SP140: variants seen among roughly 807,000 people sequenced by gnomAD.
SP140 encodes nuclear body protein SP140.
A neutral mutation model predicts 125.0 loss-of-function variants in SP140; 81 were observed. The ratio of observed to expected loss-of-function variants is 0.65; its 90% CI spans 0.54 to 0.78. The LOEUF (loss-of-function observed/expected upper bound fraction) is 0.78. Among genes scored for constraint, SP140 ranks in the 30% least tolerant of loss-of-function variants. The pLI is 0.00. For synonymous variants in SP140, 312 were observed against 354.0 expected, an observed-to-expected ratio of 0.88 and a Z score of 1.33; for missense variants, 858 against 1,037.0, an observed-to-expected ratio of 0.83 and a Z score of 2.37.
At chr2:230,226,387 T>C (rs531816600) in intron 1 of SP140, among the ~76,000 whole-genome samples, 1 of 152,192 alleles carries the variant, frequency 6.6e-6, no homozygotes, top group African/African-American at 2.4e-5. Flanking sequence ...CTAGAATCAC[T>C]TCAGGATCTC....
At chr2:230,244,674 A>T (rs1306738588) in intron 5 of SP140, among the ~76,000 whole-genome samples, 1 of 152,180 alleles carries the variant, frequency 6.6e-6, no homozygotes, top group African/African-American at 2.4e-5. Context: ...CAAGTAGGAA[A>T]ATGTGATGGA....
At chr2:230,200,981 T>G (rs539213557), upstream of SP140, 6 of 1,586,210 alleles carry the variant, frequency 3.8e-6, no homozygotes, top group Non-Finnish European at 5.2e-6. Flanking sequence ...AAATGAAAGA[T>G]CTTAGTAAAT....
At chr2:230,260,595 G>C (rs1004654653) in intron 12 of SP140, among the ~76,000 whole-genome samples, 2 of 152,172 alleles carry the variant, frequency 1.3e-5, no homozygotes, top group Non-Finnish European at 2.9e-5. Flanking sequence ...TTAAGTCCTT[G>C]ATCCATCTTG....
rs1329489756 is a variant in SP140, at chr2:230,230,368, C to T, written c.59+4465C>T. 2.0e-5 allele frequency: 3 copies of T among 152,084 alleles called. No homozygotes were observed. The East Asian group carries it at 5.8e-4, about 29-fold the overall frequency. The allele number at this position is 152,084 out of a possible 1,614,324, so 9.4% of individuals were successfully genotyped here. A position where few individuals can be genotyped will look rare whatever the true frequency, so the allele number is the denominator to read the frequency against. On this transcript the variant is annotated intron_variant, in intron 1 of 26. Coordinates refer to ENST00000392045, the MANE Select transcript of SP140 (RefSeq NM_007237.5). ...GCAAGGTCTGAAAAATACCTCAAACCCCAGTCTTAGGTTTTACAATACTGA... is the reference window on the plus strand; with the variant it reads ...GCAAGGTCTGAAAAATACCTCAAACTCCAGTCTTAGGTTTTACAATACTGA...
At chr2:230,205,395 C>T (rs1000534977) in intron 1 of SP140, among the ~76,000 whole-genome samples, 2 of 152,152 alleles carry the variant, frequency 1.3e-5, no homozygotes, top group African/African-American at 4.8e-5. Context: ...TCTGCCTGGA[C>T]CATCCAATCC....
intron 22 of SP140, among the ~76,000 whole-genome samples, chr2:230,303,673 T>A (rs1032453627): frequency 6.6e-6 from 1 of 152,170 alleles, no homozygotes; most frequent in Non-Finnish European, 1.5e-5. Context: ...ATCATCTCAA[T>A]AAAGACAGCA....
At chr2:230,260,249 A>G (rs1013567521) in intron 12 of SP140, among the ~76,000 whole-genome samples, 2 of 151,990 alleles carry the variant, frequency 1.3e-5, no homozygotes, top group African/African-American at 4.8e-5. Flanking sequence ...TCTTTTACGA[A>G]CTGTCTATTC....
chr2:230,290,729 C>T (rs112825092), intron 19 of SP140, among the ~76,000 whole-genome samples, 165 bp downstream of exon 19: 84 of 152,242 alleles, frequency 5.5e-4, no homozygotes, highest in African/African-American at 1.8e-3. Flanking sequence ...TTTAAGAAAT[C>T]GCAACCACCA....
intron 1 of SP140, chr2:230,235,102 A>G (rs1400772301): frequency 1.3e-5 from 2 of 152,186 alleles, no homozygotes; most frequent in African/African-American, 2.4e-5. Flanking sequence ...TGAGTCATTT[A>G]TATTTTTCTT....
chr2:230,244,591 C>A (rs79783171), intron 5 of SP140, among the ~76,000 whole-genome samples: 109 of 152,036 alleles, frequency 7.2e-4, no homozygotes, highest in African/African-American at 2.5e-3. Context: ...CAGAGAGAAA[C>A]GGTAAGATTG....
intron 3 of SP140, among the ~76,000 whole-genome samples, chr2:230,215,857 A>G (rs1415583222): frequency 1.3e-5 from 2 of 152,298 alleles, no homozygotes; most frequent in East Asian, 3.9e-4. Flanking sequence ...GAGGGAAAGC[A>G]TAGATTGCTA....
chr2:230,237,376 T>G lies in SP140; in HGVS notation c.237+116T>G. On this transcript the variant is annotated intron_variant, in intron 2 of 26. Transcript: ENST00000392045. The surrounding 1 kb of genome is among the most constrained non-coding windows in gnomAD (Gnocchi z 5.4). ...GTGAGTGGGGACCTTCACCATTCTG[T>G]AGGTTAGGAGGTGACAGGAGAAGCA... 1.2e-6 allele frequency: 1 copy of G among 867,012 alleles called. No individual in the cohort carries two copies. Among genetic ancestry groups the G allele is most frequent in the Non-Finnish European group, 1.8e-6 (1 of 559,800 alleles). 53.7% of individuals were successfully genotyped at this position (867,012 alleles called of 1,614,324 possible).
At chr2:230,301,070 A>C (rs1316462661) in intron 22 of SP140, among the ~76,000 whole-genome samples, 4 of 152,224 alleles carry the variant, frequency 2.6e-5, no homozygotes, top group African/African-American at 9.6e-5. Context: ...CTCGAAGACA[A>C]GGCTCTGGAA....
chr2:230,296,842 C>G (rs1176913002), intron 21 of SP140, among the ~76,000 whole-genome samples: 1 of 152,200 alleles, frequency 6.6e-6, no homozygotes, highest in Admixed American at 6.5e-5. Context: ...CTGACTTGGC[C>G]TGTGCAAACT....
chr2:230,257,390 A>T (rs1217352238), intron 12 of SP140, among the ~76,000 whole-genome samples: 1 of 151,948 alleles, frequency 6.6e-6, no homozygotes, highest in Non-Finnish European at 1.5e-5. Context: ...GGGAGAGGAG[A>T]TGTTAAGAAG....
At chr2:230,202,787 A>C, upstream of SP140, 9 of 1,528,482 alleles carry the variant, frequency 5.9e-6, no homozygotes, top group Non-Finnish European at 8.2e-6. Flanking sequence ...AGCCTCCTAC[A>C]GTCCCAATCA....
chr2:230,213,627 A>T (rs1208210027), intron 1 of SP140: 2 of 152,830 alleles, frequency 1.3e-5, no homozygotes, highest in African/African-American at 2.4e-5. Flanking sequence ...GGTTTCTCTT[A>T]AGATTCTTCT....
chr2:230,299,489 A>C (rs1359367840), intron 22 of SP140, among the ~76,000 whole-genome samples: 1 of 152,210 alleles, frequency 6.6e-6, no homozygotes, highest in East Asian at 1.9e-4. Context: ...TTTATCTCAC[A>C]GTCCTTGGGG....
intron 15 of SP140, among the ~76,000 whole-genome samples, chr2:230,275,337 A>G (rs749902927): frequency 1.3e-5 from 2 of 151,858 alleles, no homozygotes; most frequent in Non-Finnish European, 1.5e-5. Flanking sequence ...CCTTTTTCCA[A>G]CAGCATGTGC....
Sources: allele counts gnomAD v4.1 joint callset (sites outside exome capture counted in the v4.1 genomes callset), GRCh38; gene constraint gnomAD v4.1.1; non-coding constraint Gnocchi (gnomAD v3.1); transcripts MANE v1.5; gene names NCBI Gene and HGNC (gene_info 2026-07-23, HGNC 2026-07-21).